Variants in TBCE observed in about 807,000 individuals in gnomAD.
TBCE encodes the protein tubulin-specific chaperone E.
Under a neutral mutation model 77.0 loss-of-function variants are expected in TBCE, and 53 were observed. That is an observed-to-expected ratio of 0.69 (90% CI 0.55 to 0.87). The LOEUF (loss-of-function observed/expected upper bound fraction) is 0.87. Among genes scored for constraint, TBCE ranks in the 40% least tolerant of loss-of-function variants. The pLI is 0.00. For synonymous variants in TBCE, 235 were observed against 241.3 expected, an observed-to-expected ratio of 0.97 and a Z score of 0.24; for missense variants, 624 against 622.4, an observed-to-expected ratio of 1.00 and a Z score of -0.03.
At position 235,427,181 on chromosome 1, in the gene TBCE, T is replaced by C. The variant is rs762529448; in HGVS notation, c.502T>C (p.Trp168Arg). ...VDLSKNLLSS[W>R]DEVIHIADQL... ...TTTGTCAAAAAACCTGTTGTCATCA[T>C]GGGATGAAGTGATACACATTGCTGA... is the stretch of plus-strand genomic sequence containing the variant. The change falls in exon 6 of 17, where the codon TGG becomes CGG. Residue 168 changes from tryptophan (W) to arginine (R), a missense_variant. Coordinates refer to ENST00000642610, the MANE Select transcript of TBCE (RefSeq NM_003193.5). 6.2e-7 allele frequency: 1 copy of C among 1,614,078 alleles called. No homozygotes were observed. The highest frequency in any genetic ancestry group is 8.5e-7 in the Non-Finnish European group (1 of 1,179,978).
intron 3 of TBCE, among the ~76,000 whole-genome samples, chr1:235,409,586 C>A (rs1406732318): frequency 6.6e-6 from 1 of 151,902 alleles, no homozygotes; most frequent in African/African-American, 2.4e-5. Context: ...CTGTAAAGGG[C>A]ATAGCATCCG....
rs12759713 is a variant in TBCE at position 235,437,376 on chromosome 1, C to T, written c.1018C>T (p.Leu340=). Residue 340 remains leucine, a synonymous_variant, in exon 12 of 17, where the codon CTA becomes TTA. Coordinates refer to ENST00000642610, the MANE Select transcript of TBCE (RefSeq NM_003193.5). ...KLPSLRALSC[L]RNPLTKEDKE... is the part of the protein sequence containing the mutation. ...ACCAAGTCTACGGGCTTTGTCCTGC[C>T]TAAGAAACCCCCTGACCAAAGAGGA... The T allele has an allele frequency of 6.2e-7, 1 of 1,614,082 alleles. No homozygotes were observed. The highest frequency in any genetic ancestry group is 1.7e-5 in the Admixed American group (1 of 59,998).
intron 4 of TBCE, among the ~76,000 whole-genome samples, chr1:235,418,147 T>C (rs1351848777): frequency 6.6e-6 from 1 of 152,224 alleles, no homozygotes; most frequent in Non-Finnish European, 1.5e-5. Context: ...TCATCCACAT[T>C]GCGGCATATG....
At chr1:235,430,827 T>C (rs1458922286) in intron 7 of TBCE, 23 bp downstream of exon 7, 1 of 1,578,760 alleles carries the variant, frequency 6.3e-7, no homozygotes, top group Non-Finnish European at 8.7e-7. Flanking sequence ...CTTTGTTTTA[T>C]TACACATTAA....
At chr1:235,444,267 T>C (rs568437252) in intron 15 of TBCE, among the ~76,000 whole-genome samples, 4 of 152,366 alleles carry the variant, frequency 2.6e-5, no homozygotes, top group East Asian at 1.9e-4. Flanking sequence ...TCCTGTAATA[T>C]GTAATTTGGC....
intron 2 of TBCE, among the ~76,000 whole-genome samples, 194 bp downstream of exon 2, chr1:235,380,343 T>C (rs550663550): frequency 6.6e-6 from 1 of 152,286 alleles, no homozygotes; most frequent in African/African-American, 2.4e-5. Context: ...CTGTGGTATC[T>C]ATGATTTTGT....
At chr1:235,403,347 C>T (rs1679236834) in intron 3 of TBCE, among the ~76,000 whole-genome samples, 1 of 152,168 alleles carries the variant, frequency 6.6e-6, no homozygotes, top group South Asian at 2.1e-4. Context: ...GCTGGGATCA[C>T]AGGCGAACGC....
At chr1:235,421,460 T>C (rs6699053) in intron 5 of TBCE, among the ~76,000 whole-genome samples, 10,197 of 151,922 alleles carry the variant, frequency 0.067, 647 homozygotes, top group African/African-American at 0.17. Flanking sequence ...GTAATCCCAG[T>C]ACTTTGGGAG....
intron 13 of TBCE, among the ~76,000 whole-genome samples, chr1:235,439,380 C>A (rs964117821): frequency 1.3e-5 from 2 of 151,070 alleles, no homozygotes; most frequent in Non-Finnish European, 3.0e-5. Flanking sequence ...CCTGTAGTCC[C>A]AGCTACTCAG....
At chr1:235,417,923 G>GC (rs1304674103) in intron 4 of TBCE, among the ~76,000 whole-genome samples, 2 of 152,012 alleles carry the variant, frequency 1.3e-5, no homozygotes, top group African/African-American at 2.4e-5. Context: ...GATTACAGGT[G>GC]CCCCCCACTA....
rs1015400948 is a variant in TBCE at position 235,449,316 on chromosome 1, C to G, written c.*554C>G. ...ACAATTATACCTAAGCTGAGTATAT[C>G]TTCTTCTGTGATAACCAGCTTTGAT... On this transcript the variant is annotated 3_prime_UTR_variant, in exon 17 of 17. Transcript: ENST00000642610. 2 of 142,822 alleles carry G rather than the reference C, an allele frequency of 1.4e-5. No individual in the cohort carries two copies. The highest frequency in any genetic ancestry group is 6.3e-5 in the African/African-American group (2 of 31,950). 8.8% of individuals were successfully genotyped at this position (142,822 alleles called of 1,614,324 possible). A position where few individuals can be genotyped will look rare whatever the true frequency, so the allele number is the denominator to read the frequency against.
intron 3 of TBCE, among the ~76,000 whole-genome samples, chr1:235,405,594 C>A (rs1679377370): frequency 6.6e-6 from 1 of 151,816 alleles, no homozygotes. Context: ...CAAGATCACA[C>A]CATTGCACTC....
At chr1:235,369,477 A>G (rs145851773) in intron 1 of TBCE, among the ~76,000 whole-genome samples, 11 of 152,064 alleles carry the variant, frequency 7.2e-5, no homozygotes, top group African/African-American at 1.9e-4. Flanking sequence ...ACTGCACTCC[A>G]GCCTGGCGAT....
chr1:235,396,420 T>C (rs577139908), intron 2 of TBCE, among the ~76,000 whole-genome samples: 14 of 152,346 alleles, frequency 9.2e-5, no homozygotes, highest in Admixed American at 6.5e-4. Context: ...ATTCCAAACC[T>C]TGGCTATTTT....
At chr1:235,367,926 C>G (rs1263414129) in intron 1 of TBCE, among the ~76,000 whole-genome samples, 1 of 152,180 alleles carries the variant, frequency 6.6e-6, no homozygotes, top group Admixed American at 6.6e-5. Context: ...TTGAGACAGT[C>G]TTGCTCTGTC....
At chr1:235,419,753 A>G (rs1476160205) in intron 5 of TBCE, among the ~76,000 whole-genome samples, 192 bp downstream of exon 5, 3 of 152,164 alleles carry the variant, frequency 2.0e-5, no homozygotes, top group African/African-American at 7.2e-5. Flanking sequence ...CAAGTTTGCC[A>G]GCATGTTCAG....
intron 3 of TBCE, among the ~76,000 whole-genome samples, chr1:235,405,589 T>G (rs1221867107): frequency 1.3e-5 from 2 of 151,356 alleles, no homozygotes; most frequent in Non-Finnish European, 2.9e-5. Flanking sequence ...TGAGCCAAGA[T>G]CACACCATTG....
chr1:235,450,002 T>A lies in TBCE; in HGVS notation c.*1240T>A, dbSNP rs181993261. 38 of 451,124 alleles carry A rather than the reference T, an allele frequency of 8.4e-5. No homozygotes were observed. The highest frequency in any genetic ancestry group is 4.7e-4 in the Admixed American group (12 of 25,344). The allele number at this position is 451,124 out of a possible 1,614,324, so 27.9% of individuals were successfully genotyped here. A position where few individuals can be genotyped will look rare whatever the true frequency, so the allele number is the denominator to read the frequency against. ...ATCTTCCAATAGATAAATAAAAACT[T>A]TTCTTATGCTACAGTACAAGTTGAT... is the stretch of plus-strand genomic sequence containing the variant. On this transcript the variant is annotated 3_prime_UTR_variant, in exon 17 of 17. Coordinates refer to ENST00000642610, the MANE Select transcript of TBCE (RefSeq NM_003193.5).
chr1:235,442,777 T>C, intron 14 of TBCE, 75 bp from the exon 15 acceptor site: 2 of 1,429,204 alleles, frequency 1.4e-6, no homozygotes, highest in Non-Finnish European at 9.7e-7. Context: ...TTTGGCCATC[T>C]GTTGATGTGT....
Sources: allele counts gnomAD v4.1 joint callset (sites outside exome capture counted in the v4.1 genomes callset), GRCh38; gene constraint gnomAD v4.1.1; transcripts MANE v1.5; gene names NCBI Gene and HGNC (gene_info 2026-07-23, HGNC 2026-07-21).